DNAH17: variants seen among roughly 807,000 people sequenced by gnomAD.
The protein encoded by DNAH17 is dynein axonemal heavy chain 17.
A neutral mutation model predicts 485.6 loss-of-function variants in DNAH17; 376 were observed. That is an observed-to-expected ratio of 0.77 (90% confidence interval 0.71 to 0.84). The LOEUF (loss-of-function observed/expected upper bound fraction) is 0.84, where lower values mean the gene tolerates loss of function less well. DNAH17 is among the 40% of genes least tolerant of loss of function. DNAH17 has a pLI of 0.00. For synonymous variants in DNAH17, 3,031 were observed against 2,405.9 expected (o/e 1.26, Z -7.60); for missense variants, 6,370 against 5,839.3 (o/e 1.09, Z -2.96).
chr17:78,473,315 C>T (rs112432312), intron 54 of DNAH17, among the ~76,000 whole-genome samples: 18,958 of 151,996 alleles, frequency 0.12, 1,278 homozygotes, highest in South Asian at 0.2. Context: ...GAGGCTGAGG[C>T]GGGCAGATCA....
chr17:78,548,447 A>G (rs888689219), intron 16 of DNAH17, among the ~76,000 whole-genome samples: 1 of 151,294 alleles, frequency 6.6e-6, no homozygotes, highest in African/African-American at 2.4e-5. Flanking sequence ...CTCGTGATCC[A>G]CCCGCCTCGG....
chr17:78,576,856 G>T (rs1284183757), intron 1 of DNAH17, among the ~76,000 whole-genome samples: 1 of 152,206 alleles, frequency 6.6e-6, no homozygotes, highest in Non-Finnish European at 1.5e-5. Context: ...CGATCGGGAG[G>T]TCTCATCTCA....
intron 69 of DNAH17, among the ~76,000 whole-genome samples, chr17:78,445,891 C>T (rs1164620357): frequency 1.3e-5 from 2 of 152,078 alleles, no homozygotes; most frequent in African/African-American, 2.4e-5. Context: ...CCATTTTGGC[C>T]GGGCACAGTG....
chr17:78,562,852 G>A (rs554282825), intron 11 of DNAH17, among the ~76,000 whole-genome samples: 2 of 152,200 alleles, frequency 1.3e-5, no homozygotes, highest in African/African-American at 4.8e-5. Flanking sequence ...CAGACCAAGT[G>A]GGAGGGGGAC....
intron 46 of DNAH17, 58 bp from the exon 47 acceptor site, chr17:78,485,815 T>C (rs1193603025): frequency 1.9e-6 from 3 of 1,591,228 alleles, no homozygotes; most frequent in Non-Finnish European, 2.6e-6. Context: ...CTGCCTCTCG[T>C]GGGTGTGCAG....
Position 78,428,680 on chromosome 17 carries a change from G to C in DNAH17, c.12433C>G (p.Leu4145Val). 1 of 1,613,956 alleles carries C rather than the reference G, an allele frequency of 6.2e-7. No individual in the cohort carries two copies. Residue 4145 changes from leucine (L) to valine (V), a missense_variant, in exon 77 of 81, where the codon CTG (leucine) becomes GTG (valine). By Grantham distance (32) the Leu-to-Val change is conservative (BLOSUM62 1). Transcript: ENST00000389840. Reference protein sequence around the residue: ...KGYHEYIDENLPPESPYLYGL... With the variant: ...KGYHEYIDENVPPESPYLYGL... ...TACAGATAGGGACTCTCAGGGGGCA[G>C]GTTCTCATCGATGTATTCGTGGTAA...
chr17:78,444,874 AAGG>A, intron 70 of DNAH17, 77 bp from the exon 71 acceptor site: 3 of 1,401,776 alleles, frequency 2.1e-6, no homozygotes, highest in Non-Finnish European at 2.9e-6. Flanking sequence ...CAGTTCATTC[AAGG>A]AGGAGAGGCC....
rs771232115 is a variant in DNAH17, at chr17:78,529,517, C to G, written c.3462G>C (p.Lys1154Asn). The change falls in exon 22 of 81, where the codon AAG becomes AAC. Residue 1154 changes from lysine to asparagine, a missense_variant. By Grantham distance (94) the Lys-to-Asn change is moderately conservative. Coordinates refer to ENST00000389840, the MANE Select transcript of DNAH17 (RefSeq NM_173628.4). ...CCTCTGGCATCTCCTCCCCGTAGGT[C>G]TTGAGCAGCTCGATGGTTTGCTTCA... ...EPLKQTIELLKTYGEEMPEEI... is the reference protein window; with the variant it reads ...EPLKQTIELLNTYGEEMPEEI... The G allele has an allele frequency of 1.9e-6, 3 of 1,613,878 alleles. No homozygotes were observed. Among genetic ancestry groups the G allele is most frequent in the Non-Finnish European group, 2.5e-6 (3 of 1,179,900 alleles).
Position 78,494,185 on chromosome 17 carries a change from T to C in DNAH17, c.6271-12A>G, listed in dbSNP as rs761085469. 1.2e-5 allele frequency: 19 copies of C among 1,604,552 alleles called. No individual in the cohort carries two copies. The highest frequency in any genetic ancestry group is 8.0e-5 in the African/African-American group (6 of 74,722). On this transcript the variant is annotated splice_polypyrimidine_tract_variant and intron_variant, in intron 40 of 80. Coordinates refer to ENST00000389840, the MANE Select transcript of DNAH17 (RefSeq NM_173628.4). ...CTCTGCTTGATGATCTGGGGAGACATGGATGAGGCTGGGTGAGGAACTGAA... is the reference window on the plus strand; with the variant it reads ...CTCTGCTTGATGATCTGGGGAGACACGGATGAGGCTGGGTGAGGAACTGAA...
rs2092409604 is a variant in DNAH17 at position 78,574,730 on chromosome 17, T to C, written c.328A>G (p.Ile110Val). Residue 110 changes from isoleucine (I) to valine (V), a missense_variant, in exon 2 of 81, where the codon ATC (isoleucine) becomes GTC (valine). By Grantham distance (29) the Ile-to-Val change is conservative (BLOSUM62 3). Transcript: ENST00000389840. ...DISPTPVDQL[I>V]AVVEEVLSSL... The stretch of plus-strand genomic sequence containing the variant: ...GCACTCACCTCCTCCACCACCGCGA[T>C]CAGCTGGTCCACGGGTGTGGGGCTG... 1.2e-6 allele frequency: 2 copies of C among 1,606,684 alleles called. No individual in the cohort carries two copies. The highest frequency in any genetic ancestry group is 3.4e-5 in the Admixed American group (2 of 59,574).
chr17:78,440,940 C>T (rs940540436), intron 72 of DNAH17, 111 bp downstream of exon 72: 7 of 1,330,302 alleles, frequency 5.3e-6, no homozygotes, highest in African/African-American at 2.9e-5. Context: ...CGTGAAGCCG[C>T]GTCTTGGGTG....
intron 12 of DNAH17, 139 bp from the exon 13 acceptor site, chr17:78,561,074 C>CA: frequency 1.3e-6 from 1 of 795,946 alleles, no homozygotes; most frequent in Non-Finnish European, 2.0e-6. Flanking sequence ...ACTGAATATG[C>CA]AAACAAGCAG....
intron 48 of DNAH17, among the ~76,000 whole-genome samples, chr17:78,481,391 A>G (rs768988730): frequency 2.6e-5 from 4 of 152,254 alleles, no homozygotes; most frequent in Non-Finnish European, 5.9e-5. Flanking sequence ...ATGTGGTCTT[A>G]AAAACCCTCC....
intron 25 of DNAH17, among the ~76,000 whole-genome samples, chr17:78,521,365 C>T (rs1294403456): frequency 6.6e-6 from 1 of 152,076 alleles, no homozygotes; most frequent in Non-Finnish European, 1.5e-5. Context: ...AAGATCGCAC[C>T]ACAGCACTCC....
chr17:78,540,280 T>C, intron 17 of DNAH17, among the ~76,000 whole-genome samples: 1 of 135,200 alleles, frequency 7.4e-6, no homozygotes, highest in Non-Finnish European at 1.6e-5. Flanking sequence ...TTGACCATCC[T>C]CTCCACCACT....
Position 78,426,559 on chromosome 17 carries a change from C to G in DNAH17, c.12813G>C (p.Thr4271=), listed in dbSNP as rs140610113. 6.2e-7 allele frequency: 1 copy of G among 1,613,350 alleles called. No individual in the cohort carries two copies. Among genetic ancestry groups the G allele is most frequent in the South Asian group, 1.1e-5 (1 of 90,962 alleles). ...CAGGCACGGTGTCATAGAAGAGAGC[C>G]GTGGACAGATCTTCCACGTCGGTCG... ...TITTDVEDLS[T]ALFYDTVPDT... is the part of the protein sequence containing the mutation. The change falls in exon 79 of 81, where the codon ACG becomes ACC. Residue 4271 remains threonine, a synonymous_variant. Transcript: ENST00000389840.
chr17:78,468,349 C>T (rs2146564960), intron 55 of DNAH17, among the ~76,000 whole-genome samples: 1 of 152,224 alleles, frequency 6.6e-6, no homozygotes, highest in South Asian at 2.1e-4. Flanking sequence ...TTCTGGTATC[C>T]ATGGCGGTCC....
In DNAH17 at chr17:78,449,840, A is replaced by ATT. The variant is rs112200735; in HGVS notation, c.11041-258_11041-257dup. The ATT allele has an allele frequency of 7.2e-3, 3,245 of 450,888 alleles. 97 individuals carry two copies. The highest frequency in any genetic ancestry group is 0.058 in the African/African-American group (2,908 of 50,206). The allele number at this position is 450,888 out of a possible 1,614,324, so 27.9% of individuals were successfully genotyped here. On this transcript the variant is annotated intron_variant, in intron 68 of 80. Transcript: ENST00000389840. ...AGGCGCACACCACCACACCTGGCTAATTTTTTTTTATTTTTAGTACAGACA... is the reference window on the plus strand; with the variant it reads ...AGGCGCACACCACCACACCTGGCTAATTTTTTTTTTTATTTTTAGTACAGACA...
intron 25 of DNAH17, among the ~76,000 whole-genome samples, chr17:78,515,449 C>T (rs1418171910): frequency 1.3e-5 from 2 of 152,182 alleles, no homozygotes; most frequent in Non-Finnish European, 2.9e-5. Flanking sequence ...ACAAGGGCTG[C>T]AGTGAGCCGA....
Sources: gnomAD v4.1 joint callset for allele counts (sites outside exome capture counted in the v4.1 genomes callset) on GRCh38, gnomAD v4.1.1 for gene constraint, MANE v1.5 for transcripts, NCBI Gene and HGNC (gene_info 2026-07-23, HGNC 2026-07-21) for gene names.